The following SFMBT2 variants were observed in gnomAD, a reference collection of about 807,000 sequenced individuals.
SFMBT2 encodes the protein Scm like with four mbt domains 2.
In SFMBT2, 38 loss-of-function variants were observed where a neutral mutation model predicts 110.1. The observed-to-expected ratio is 0.35, with a 90% confidence interval of 0.27 to 0.45. The LOEUF is 0.45. Ranked by LOEUF, SFMBT2 falls within the 20% of genes least tolerant of loss-of-function variation. The pLI, the probability that SFMBT2 is intolerant of heterozygous loss-of-function variation, is 1.00. For missense variants in SFMBT2, 1,011 were observed against 1,094.9 expected (o/e 0.92, Z 1.08); for synonymous variants, 425 against 425.4 (o/e 1.00, Z 0.01).
chr10:7,312,661 C>T (rs1266144540), intron 4 of SFMBT2, among the ~76,000 whole-genome samples: 1 of 152,174 alleles, frequency 6.6e-6, no homozygotes, highest in Non-Finnish European at 1.5e-5. Flanking sequence ...TGCCCGGAGA[C>T]CTCTGTTCTC....
At chr10:7,169,921 A>G (rs1267318972) in intron 20 of SFMBT2, among the ~76,000 whole-genome samples, 1 of 152,230 alleles carries the variant, frequency 6.6e-6, no homozygotes, top group East Asian at 1.9e-4. Flanking sequence ...GCATTTGTCC[A>G]TCACCATACC....
chr10:7,286,430 T>C (rs1842090097), intron 4 of SFMBT2: 6 of 952,714 alleles, frequency 6.3e-6, no homozygotes, highest in Non-Finnish European at 6.2e-6. Context: ...GGACTGAAGG[T>C]GAAATGGAGA....
Position 7,227,899 on chromosome 10 carries a change from T to C in SFMBT2, c.1159A>G (p.Lys387Glu), listed in dbSNP as rs147206559. 2 of 1,607,210 alleles carry C rather than the reference T, an allele frequency of 1.2e-6. No individual in the cohort carries two copies. The highest frequency in any genetic ancestry group is 2.7e-5 in the African/African-American group (2 of 74,382). Residue 387 changes from lysine to glutamate, a missense_variant, in exon 10 of 21, where the codon AAG (lysine) becomes GAG (glutamate). Physicochemically the swap from Lys to Glu is moderately conservative, Grantham distance 56. Around this residue, in one of 2 missense-constraint regions of SFMBT2, gnomAD observed 979 missense variants for 1,016.1 expected, o/e 0.96. Transcript: ENST00000397167. ...GQDFDWADYH[K>E]QHGAQEAPPF... is the part of the protein sequence containing the mutation. The stretch of plus-strand genomic sequence containing the variant: ...GGGGCTTCCTGCGCCCCATGCTGCT[T>C]GTGATAATCTGCCCAGTCGAAGTCC...
At chr10:7,179,975 C>A (rs764887054) in intron 16 of SFMBT2, among the ~76,000 whole-genome samples, 3 of 152,160 alleles carry the variant, frequency 2.0e-5, no homozygotes, top group Non-Finnish European at 4.4e-5. Flanking sequence ...GAAGCCATGG[C>A]AGTGAGGGGT....
chr10:7,210,170 A>C (rs2497445), intron 11 of SFMBT2, among the ~76,000 whole-genome samples: 146,453 of 152,250 alleles, frequency 0.96, 70,666 homozygotes, highest in East Asian at 1. Context: ...CTCACTGCAA[A>C]CACACCACGG....
intron 7 of SFMBT2, among the ~76,000 whole-genome samples, chr10:7,256,710 T>C (rs1252956301): frequency 1.3e-5 from 2 of 152,312 alleles, no homozygotes; most frequent in East Asian, 3.9e-4. Flanking sequence ...CTGACCAACG[T>C]GGTTAATCTA....
At chr10:7,179,536 C>G (rs960982209) in intron 16 of SFMBT2, among the ~76,000 whole-genome samples, 3 of 152,020 alleles carry the variant, frequency 2.0e-5, no homozygotes, top group African/African-American at 7.2e-5. Flanking sequence ...GCAGTTTTAT[C>G]CACTACGAGT....
At chr10:7,194,058 C>A (rs1291401789) in intron 15 of SFMBT2, among the ~76,000 whole-genome samples, 4 of 152,160 alleles carry the variant, frequency 2.6e-5, no homozygotes, top group Non-Finnish European at 5.9e-5. Context: ...ACCCTCCATG[C>A]AACTGGGCAT....
intron 4 of SFMBT2, among the ~76,000 whole-genome samples, chr10:7,330,065 G>A (rs548193066): frequency 6.6e-6 from 1 of 152,178 alleles, no homozygotes; most frequent in South Asian, 2.1e-4. Flanking sequence ...GACAACCTGT[G>A]GCCCCTGGGA....
intron 4 of SFMBT2, among the ~76,000 whole-genome samples, chr10:7,321,527 G>C (rs954939248): frequency 6.6e-6 from 1 of 152,114 alleles, no homozygotes; most frequent in Non-Finnish European, 1.5e-5. Flanking sequence ...CAGTGATTCA[G>C]GGTAAAATAA....
chr10:7,220,629 G>A (rs751321243), intron 10 of SFMBT2, 92 bp from the exon 11 acceptor site: 23 of 1,307,316 alleles, frequency 1.8e-5, no homozygotes, highest in Middle Eastern at 1.9e-4. Flanking sequence ...GCACGCACAC[G>A]CATCTTACAT....
chr10:7,350,425 C>G (rs148742562), intron 4 of SFMBT2, among the ~76,000 whole-genome samples: 1 of 152,154 alleles, frequency 6.6e-6, no homozygotes, highest in South Asian at 2.1e-4. Context: ...GCCACTCTTC[C>G]GGGCCAGCCT....
Position 7,367,942 on chromosome 10 carries a change from C to T in SFMBT2, c.196-53G>A. ...CATTACTACACTAGACACAATACAT[C>T]CAGAAGATGACAAAAACCACTAAAA... On this transcript the variant is annotated intron_variant, in intron 3 of 20. Transcript: ENST00000397167. The surrounding 1 kb of genome is among the most constrained non-coding windows in gnomAD (Gnocchi z 6.2). The T allele has an allele frequency of 6.4e-7, 1 of 1,574,594 alleles. No homozygotes were observed. Among genetic ancestry groups the T allele is most frequent in the East Asian group, 2.3e-5 (1 of 44,378 alleles).
At chr10:7,184,018 AG>A (rs1838321899) in intron 16 of SFMBT2, among the ~76,000 whole-genome samples, 1 of 152,312 alleles carries the variant, frequency 6.6e-6, no homozygotes, top group South Asian at 2.1e-4. Context: ...AAAGGAGTGG[AG>A]GCAAAGTTTT....
intron 4 of SFMBT2, among the ~76,000 whole-genome samples, chr10:7,343,612 G>C (rs1843999406): frequency 6.6e-6 from 1 of 151,970 alleles, no homozygotes. Flanking sequence ...TCTCGTTGTG[G>C]TTTTGATTTG....
chr10:7,258,302 A>C (rs1346413618), intron 7 of SFMBT2, among the ~76,000 whole-genome samples: 1 of 152,188 alleles, frequency 6.6e-6, no homozygotes, highest in African/African-American at 2.4e-5. Flanking sequence ...TGCAGCAGCA[A>C]TCTCAGTGTC....
chr10:7,322,992 T>C (rs767401061), intron 4 of SFMBT2, among the ~76,000 whole-genome samples: 2 of 152,070 alleles, frequency 1.3e-5, no homozygotes, highest in Non-Finnish European at 2.9e-5. Context: ...ACAGTAAAAA[T>C]GTGCAAAAGA....
At chr10:7,314,413 C>T (rs1588440738) in intron 4 of SFMBT2, among the ~76,000 whole-genome samples, 1 of 152,360 alleles carries the variant, frequency 6.6e-6, no homozygotes, top group African/African-American at 2.4e-5. Context: ...AAATGTTGAA[C>T]TGCTAGGCAG....
At chr10:7,287,026 C>CAA (rs1842110691) in intron 4 of SFMBT2, among the ~76,000 whole-genome samples, 1 of 145,652 alleles carries the variant, frequency 6.9e-6, no homozygotes, top group African/African-American at 2.5e-5. Context: ...TGATAGGACT[C>CAA]AAAATAGGGG....
Sources: allele counts gnomAD v4.1 joint callset (sites outside exome capture counted in the v4.1 genomes callset), GRCh38; gene constraint gnomAD v4.1.1; regional missense constraint gnomAD v4.1.1; non-coding constraint Gnocchi (gnomAD v3.1); transcripts MANE v1.5; gene names NCBI Gene and HGNC (gene_info 2026-07-23, HGNC 2026-07-21).